The following PPARGC1A variants were observed in gnomAD, a reference collection of about 807,000 sequenced individuals.
The protein encoded by PPARGC1A is PPARG coactivator 1 alpha.
Under a neutral mutation model 88.7 loss-of-function variants are expected in PPARGC1A, and 25 were observed. The ratio of observed to expected loss-of-function variants is 0.28; its 90% CI spans 0.21 to 0.39. The LOEUF is 0.39. Among genes scored for constraint, PPARGC1A ranks in the 10% least tolerant of loss-of-function variants. The pLI is 1.00. For synonymous variants in PPARGC1A, 363 were observed against 355.6 expected (o/e 1.02, Z -0.24); for missense variants, 880 against 968.7 (o/e 0.91, Z 1.22).
intron 10 of PPARGC1A, among the ~76,000 whole-genome samples, chr4:23,812,360 G>A (rs1249407850): frequency 6.6e-6 from 1 of 152,110 alleles, no homozygotes; most frequent in Middle Eastern, 3.4e-3. Context: ...AAACTGAAAC[G>A]AGATAGCAAT....
chr4:24,324,451 C>G, the PPARGC1A span, among the ~76,000 whole-genome samples: 9 of 151,994 alleles, frequency 5.9e-5, no homozygotes, highest in Admixed American at 4.6e-4. Context: ...CGTGTCTCTA[C>G]TCTTTTCTCT....
the PPARGC1A span, among the ~76,000 whole-genome samples, chr4:24,441,057 T>C: frequency 6.6e-6 from 1 of 152,236 alleles, no homozygotes; most frequent in East Asian, 1.9e-4. Flanking sequence ...AACACAACAT[T>C]AAGCTAAGAT....
chr4:24,144,540 C>G, the PPARGC1A span, among the ~76,000 whole-genome samples: 1 of 152,040 alleles, frequency 6.6e-6, no homozygotes, highest in African/African-American at 2.4e-5. Context: ...AGCCAGGACC[C>G]TTTGCTGTAC....
the PPARGC1A span, among the ~76,000 whole-genome samples, chr4:23,943,448 A>G: frequency 6.6e-6 from 1 of 151,258 alleles, no homozygotes; most frequent in African/African-American, 2.4e-5. Flanking sequence ...TTTATTTTAA[A>G]GGAAACAATT....
chr4:24,002,095 C>CAGAG, the PPARGC1A span, among the ~76,000 whole-genome samples: 2,846 of 116,580 alleles, frequency 0.024, 50 homozygotes, highest in Admixed American at 0.11. Context: ...CACACACACA[C>CAGAG]ACAGAGAGAG....
chr4:24,209,342 C>T, the PPARGC1A span, among the ~76,000 whole-genome samples: 1 of 152,192 alleles, frequency 6.6e-6, no homozygotes, highest in Admixed American at 6.5e-5. Flanking sequence ...CTACTGATTA[C>T]CCTAAAGCAG....
At chr4:24,396,239 C>A in the PPARGC1A span, among the ~76,000 whole-genome samples, 1 of 152,168 alleles carries the variant, frequency 6.6e-6, no homozygotes, top group Non-Finnish European at 1.5e-5. Context: ...ACCCTTAGAG[C>A]AAGTGCAGGA....
chr4:24,311,426 G>A, the PPARGC1A span, among the ~76,000 whole-genome samples: 1 of 148,284 alleles, frequency 6.7e-6, no homozygotes, highest in African/African-American at 2.5e-5. Context: ...ACGAGGTCAG[G>A]AGATCGAGAC....
the PPARGC1A span, among the ~76,000 whole-genome samples, chr4:24,015,274 A>T: frequency 6.6e-6 from 1 of 152,106 alleles, no homozygotes; most frequent in African/African-American, 2.4e-5. Context: ...TGAGATAGAG[A>T]TAGAGATAGA....
chr4:24,430,807 A>G, the PPARGC1A span, among the ~76,000 whole-genome samples: 2 of 152,152 alleles, frequency 1.3e-5, no homozygotes, highest in Non-Finnish European at 2.9e-5. Flanking sequence ...AGTCTGAAGT[A>G]AGGCACAGAC....
chr4:24,083,245 C>G, the PPARGC1A span, among the ~76,000 whole-genome samples: 4 of 152,148 alleles, frequency 2.6e-5, no homozygotes, highest in Admixed American at 2.6e-4. Flanking sequence ...AGAGAACCAT[C>G]AAATGCTTTG....
chr4:23,964,114 C>T, the PPARGC1A span, among the ~76,000 whole-genome samples: 1 of 152,178 alleles, frequency 6.6e-6, no homozygotes, highest in Non-Finnish European at 1.5e-5. Context: ...ATTATGATTG[C>T]AAATGCTTCA....
At chr4:24,402,258 G>T in the PPARGC1A span, among the ~76,000 whole-genome samples, 1 of 152,144 alleles carries the variant, frequency 6.6e-6, no homozygotes, top group East Asian at 1.9e-4. Context: ...TACTCCTCAG[G>T]GTTCTTGGAC....
At chr4:24,033,719 G>A in the PPARGC1A span, among the ~76,000 whole-genome samples, 137,811 of 152,238 alleles carry the variant, frequency 0.91, 62,564 homozygotes, top group South Asian at 0.95. Context: ...GGGAAAAAGG[G>A]ACATGTACAG....
At chr4:23,804,311 C>G (rs1719347368) in intron 10 of PPARGC1A, among the ~76,000 whole-genome samples, 1 of 152,188 alleles carries the variant, frequency 6.6e-6, no homozygotes, top group South Asian at 2.1e-4. Flanking sequence ...ACTCCTTTCT[C>G]TTGTTCCTCT....
At chr4:24,131,857 C>G in the PPARGC1A span, among the ~76,000 whole-genome samples, 3 of 152,162 alleles carry the variant, frequency 2.0e-5, no homozygotes. Flanking sequence ...CCTCTCATGA[C>G]GTAAGCAGAG....
chr4:24,065,498 A>C, the PPARGC1A span, among the ~76,000 whole-genome samples: 448 of 152,304 alleles, frequency 2.9e-3, 5 homozygotes, highest in African/African-American at 0.01. Context: ...TGGCTAAGAA[A>C]AACAGGTGCT....
intron 7 of PPARGC1A, among the ~76,000 whole-genome samples, chr4:23,817,139 C>T (rs16874180): frequency 0.016 from 2,412 of 152,194 alleles, 74 homozygotes; most frequent in African/African-American, 0.056. Context: ...ACTTCAGGAA[C>T]GCCAAATTAG....
At chr4:24,175,640 G>A in the PPARGC1A span, among the ~76,000 whole-genome samples, 4 of 148,362 alleles carry the variant, frequency 2.7e-5, no homozygotes, top group Non-Finnish European at 4.4e-5. Flanking sequence ...TGCCCGCCTC[G>A]GCGTCCCAAA....
Sources: gnomAD v4.1 joint callset for allele counts (sites outside exome capture counted in the v4.1 genomes callset) on GRCh38, gnomAD v4.1.1 for gene constraint, MANE v1.5 for transcripts, NCBI Gene and HGNC (gene_info 2026-07-23, HGNC 2026-07-21) for gene names.